CCSER1: variants seen among roughly 807,000 people sequenced by gnomAD.
CCSER1 encodes the protein coiled-coil serine rich protein 1.
A neutral mutation model predicts 82.0 loss-of-function variants in CCSER1; 41 were observed. That is an observed-to-expected ratio of 0.50 (90% CI 0.39 to 0.65). The LOEUF (loss-of-function observed/expected upper bound fraction) is 0.65. CCSER1 is among the 30% of genes least tolerant of loss of function. The pLI is 0.00. For missense variants in CCSER1, 1,119 were observed against 1,064.2 expected (o/e 1.05, Z -0.72); for synonymous variants, 414 against 383.9 (o/e 1.08, Z -0.92).
At chr4:91,516,439 C>T (rs566830192) in intron 10 of CCSER1, among the ~76,000 whole-genome samples, 15 of 152,278 alleles carry the variant, frequency 9.9e-5, no homozygotes, top group African/African-American at 3.4e-4. Context: ...AGACAGCTAT[C>T]CCAGCACCAT....
intron 5 of CCSER1, among the ~76,000 whole-genome samples, chr4:90,524,822 A>G (rs1444299575): frequency 6.6e-6 from 1 of 152,108 alleles, no homozygotes; most frequent in African/African-American, 2.4e-5. Context: ...TTGTCCTCGC[A>G]TGCTCTTGTT....
intron 10 of CCSER1, among the ~76,000 whole-genome samples, chr4:91,099,758 G>A (rs1724869635): frequency 6.6e-6 from 1 of 152,196 alleles, no homozygotes; most frequent in Non-Finnish European, 1.5e-5. Context: ...TGGGATGACA[G>A]AAAGGAAGTG....
At chr4:90,129,301 C>T (rs1484249367) in intron 1 of CCSER1, among the ~76,000 whole-genome samples, 3 of 152,212 alleles carry the variant, frequency 2.0e-5, no homozygotes, top group Non-Finnish European at 4.4e-5. Context: ...ACCTAAAATA[C>T]TGGTAATCTA....
intron 6 of CCSER1, among the ~76,000 whole-genome samples, chr4:90,669,238 C>T (rs1305441820): frequency 1.3e-5 from 2 of 151,932 alleles, no homozygotes; most frequent in African/African-American, 4.8e-5. Context: ...TTTTGAATTT[C>T]TCAAATTTTC....
chr4:91,217,523 AAACCTTGAG>A (rs1737347618), intron 10 of CCSER1, among the ~76,000 whole-genome samples: 1 of 151,970 alleles, frequency 6.6e-6, no homozygotes, highest in African/African-American at 2.4e-5. Context: ...TTGTGTTTAC[AAACCTTGAG>A]CTAGATACAG....
chr4:90,901,055 T>A (rs750135550), intron 8 of CCSER1, among the ~76,000 whole-genome samples: 64 of 151,954 alleles, frequency 4.2e-4, no homozygotes, highest in Admixed American at 7.2e-4. Context: ...TGACTTTTTT[T>A]AAAAAAACTG....
intron 10 of CCSER1, among the ~76,000 whole-genome samples, chr4:91,391,420 C>T (rs1243000929): frequency 3.3e-5 from 5 of 152,276 alleles, no homozygotes; most frequent in African/African-American, 1.2e-4. Flanking sequence ...TGAACCTCAG[C>T]CATCAGAGCA....
chr4:91,069,883 AT>A (rs2148763755), intron 9 of CCSER1, among the ~76,000 whole-genome samples: 1 of 152,304 alleles, frequency 6.6e-6, no homozygotes, highest in East Asian at 1.9e-4. Flanking sequence ...ATTGAATGCC[AT>A]TTAGAATTTA....
intron 8 of CCSER1, among the ~76,000 whole-genome samples, chr4:90,818,907 T>C (rs1349799231): frequency 2.0e-5 from 3 of 152,206 alleles, no homozygotes; most frequent in Admixed American, 6.5e-5. Context: ...GCACAAGAGA[T>C]GCACCTTTCC....
At chr4:90,285,799 T>C (rs1729779177) in intron 1 of CCSER1, among the ~76,000 whole-genome samples, 1 of 152,056 alleles carries the variant, frequency 6.6e-6, no homozygotes, top group Non-Finnish European at 1.5e-5. Flanking sequence ...CCTTTTATCA[T>C]GTTGAGGTAT....
intron 8 of CCSER1, among the ~76,000 whole-genome samples, chr4:90,828,209 G>A (rs921521720): frequency 6.6e-6 from 1 of 152,250 alleles, no homozygotes; most frequent in South Asian, 2.1e-4. Context: ...CTCTCAATTT[G>A]AAGTAATTAG....
At chr4:90,269,805 G>A (rs1055095061) in intron 1 of CCSER1, among the ~76,000 whole-genome samples, 2 of 151,588 alleles carry the variant, frequency 1.3e-5, no homozygotes, top group African/African-American at 2.4e-5. Context: ...AAACAGAAGA[G>A]GAAATCCAAA....
chr4:90,851,304 A>G (rs1225279933), intron 8 of CCSER1, among the ~76,000 whole-genome samples: 1 of 152,180 alleles, frequency 6.6e-6, no homozygotes, highest in Admixed American at 6.5e-5. Flanking sequence ...CAAAACACAA[A>G]AGAACTCTAC....
intron 5 of CCSER1, among the ~76,000 whole-genome samples, chr4:90,484,277 T>TA (rs1766607138): frequency 6.6e-6 from 1 of 152,000 alleles, no homozygotes; most frequent in Non-Finnish European, 1.5e-5. Flanking sequence ...ATTCATCTAA[T>TA]TTTTTTTCAA....
chr4:91,462,537 G>C (rs577985802), intron 10 of CCSER1, among the ~76,000 whole-genome samples: 9 of 152,238 alleles, frequency 5.9e-5, no homozygotes, highest in Admixed American at 3.9e-4. Context: ...AGCCCACCGA[G>C]TGTGAGCCAA....
chr4:90,398,202 G>A (rs561697542), intron 3 of CCSER1, among the ~76,000 whole-genome samples: 2 of 152,228 alleles, frequency 1.3e-5, no homozygotes, highest in East Asian at 3.9e-4. Context: ...ATTCTTATAA[G>A]AACACCAGTC....
intron 5 of CCSER1, among the ~76,000 whole-genome samples, chr4:90,567,594 A>AT (rs201264158): frequency 1.5e-4 from 21 of 139,740 alleles, no homozygotes; most frequent in African/African-American, 2.7e-4. Context: ...CCAGCCAGAA[A>AT]TTTTTTTTTT....
intron 6 of CCSER1, among the ~76,000 whole-genome samples, chr4:90,647,990 A>G (rs1727898919): frequency 6.6e-6 from 1 of 152,114 alleles, no homozygotes; most frequent in Non-Finnish European, 1.5e-5. Context: ...TTAAAATAAG[A>G]TAATTTATAC....
At chr4:90,669,777 T>C (rs1407139952) in intron 6 of CCSER1, among the ~76,000 whole-genome samples, 1 of 152,116 alleles carries the variant, frequency 6.6e-6, no homozygotes, top group Non-Finnish European at 1.5e-5. Flanking sequence ...TAGATATAAG[T>C]TATATTAAGT....
Sources: allele counts gnomAD v4.1 joint callset (sites outside exome capture counted in the v4.1 genomes callset), GRCh38; gene constraint gnomAD v4.1.1; transcripts MANE v1.5; gene names NCBI Gene and HGNC (gene_info 2026-07-23, HGNC 2026-07-21).